JARID2: variants seen among roughly 807,000 people sequenced by gnomAD.
JARID2 encodes jumonji and AT-rich interaction domain containing 2.
JARID2 carries 21 observed loss-of-function variants against 125.6 expected under a neutral mutation model. The observed-to-expected ratio is 0.17, with a 90% CI of 0.12 to 0.24. The LOEUF (loss-of-function observed/expected upper bound fraction) is 0.24, where lower values mean the gene tolerates loss of function less well. Ranked by LOEUF, JARID2 falls within the 10% of genes least tolerant of loss-of-function variation. JARID2 has a pLI of 1.00. For missense variants in JARID2, 1,303 were observed against 1,639.6 expected (o/e 0.79, Z 3.55); for synonymous variants, 736 against 661.6 (o/e 1.11, Z -1.73).
chr6:15,449,731 T>A (rs888878574), intron 3 of JARID2, among the ~76,000 whole-genome samples: 4 of 152,186 alleles, frequency 2.6e-5, no homozygotes, highest in Admixed American at 2.6e-4. Context: ...AGATTTTTTT[T>A]AAGGACTATA....
At position 15,417,842 on chromosome 6, in the gene JARID2, C is replaced by T. The variant is rs1766304376; in HGVS notation, c.323+7477C>T. ...GTAGCCATTGTCAGTATATGTGACACATGAATTGCTACATGTGAGTATGCA... is the reference window on the plus strand; with the variant it reads ...GTAGCCATTGTCAGTATATGTGACATATGAATTGCTACATGTGAGTATGCA... On this transcript the variant is annotated intron_variant, in intron 3 of 17. Transcript: ENST00000341776. 2.6e-5 allele frequency among the ~76,000 whole-genome samples: 4 copies of T among 152,218 alleles called. No homozygotes were observed. In the South Asian group the frequency reaches 8.3e-4, roughly 32 times the overall value.
chr6:15,488,221 T>C (rs1026758061), intron 6 of JARID2, among the ~76,000 whole-genome samples: 3 of 152,188 alleles, frequency 2.0e-5, no homozygotes, highest in African/African-American at 7.2e-5. Context: ...GAAGAATCCC[T>C]CAGGGCTTGG....
At chr6:15,451,364 A>C (rs1329294130) in intron 3 of JARID2, among the ~76,000 whole-genome samples, 1 of 152,338 alleles carries the variant, frequency 6.6e-6, no homozygotes, top group Middle Eastern at 3.4e-3. Flanking sequence ...AAATAGTTGC[A>C]ATTTGACCTT....
chr6:15,292,889 G>A (rs1761279649), intron 1 of JARID2, among the ~76,000 whole-genome samples: 1 of 152,060 alleles, frequency 6.6e-6, no homozygotes, highest in Non-Finnish European at 1.5e-5. Context: ...ATCTGGTATT[G>A]AACTCTTGGC....
At chr6:15,477,393 C>T (rs1028629571) in intron 5 of JARID2, among the ~76,000 whole-genome samples, 9 of 151,864 alleles carry the variant, frequency 5.9e-5, no homozygotes, top group Admixed American at 3.9e-4. Flanking sequence ...TCCCCGCCCC[C>T]GAGAGAACAT....
intron 1 of JARID2, among the ~76,000 whole-genome samples, chr6:15,325,145 T>C (rs1762496665): frequency 6.6e-6 from 1 of 152,216 alleles, no homozygotes; most frequent in African/African-American, 2.4e-5. Flanking sequence ...ATGGTTTTTC[T>C]TCCCATTTTC....
chr6:15,319,723 G>C (rs1337712001), intron 1 of JARID2, among the ~76,000 whole-genome samples: 1 of 152,194 alleles, frequency 6.6e-6, no homozygotes, highest in Non-Finnish European at 1.5e-5. Context: ...AGTGAGATCT[G>C]TGTTTGAGGG....
At chr6:15,262,533 A>ATTTTTT (rs35864895) in intron 1 of JARID2, among the ~76,000 whole-genome samples, 2 of 116,468 alleles carry the variant, frequency 1.7e-5, no homozygotes, top group African/African-American at 3.3e-5. Flanking sequence ...TGGTTTGGCT[A>ATTTTTT]TTTTTTTTTT....
intron 5 of JARID2, among the ~76,000 whole-genome samples, chr6:15,480,075 A>G (rs116095751): frequency 5.9e-5 from 9 of 152,368 alleles, no homozygotes; most frequent in African/African-American, 1.9e-4. Flanking sequence ...TGAAGCGTAC[A>G]TTTAAATATC....
At chr6:15,419,380 GAAGTAAATATA>G (rs1290352960) in intron 3 of JARID2, among the ~76,000 whole-genome samples, 1 of 152,164 alleles carries the variant, frequency 6.6e-6, no homozygotes, top group Non-Finnish European at 1.5e-5. Flanking sequence ...AAAAGATGTG[GAAGTAAATATA>G]AAGTAAATAT....
chr6:15,319,785 A>G (rs1581407775), intron 1 of JARID2, among the ~76,000 whole-genome samples: 1 of 152,214 alleles, frequency 6.6e-6, no homozygotes, highest in African/African-American at 2.4e-5. Context: ...TATATGATGA[A>G]AAACTACCTA....
intron 1 of JARID2, among the ~76,000 whole-genome samples, chr6:15,340,306 G>A (rs1436700263): frequency 6.6e-6 from 1 of 152,170 alleles, no homozygotes; most frequent in Admixed American, 6.5e-5. Flanking sequence ...GGAAGCTGAT[G>A]TCCAGTGAGG....
intron 1 of JARID2, among the ~76,000 whole-genome samples, chr6:15,260,901 C>T (rs1047464818): frequency 1.1e-4 from 17 of 152,142 alleles, no homozygotes; most frequent in Non-Finnish European, 2.4e-4. Context: ...CTGACATACC[C>T]CAGGATGAAA....
intron 1 of JARID2, chr6:15,249,027 T>G (rs1759325400): frequency 1.1e-6 from 1 of 896,198 alleles, no homozygotes; most frequent in Non-Finnish European, 1.3e-6. Context: ...TGATGCCACT[T>G]GGGAAGCGGG....
chr6:15,520,362 A>AT lies in JARID2; in HGVS notation c.*115dup. ...TGTCTTTGCACTAGCTCTAAAGAAGATTTTCTTCTGGTTTTAGAGAACTAA... is the reference window on the plus strand; with the variant it reads ...TGTCTTTGCACTAGCTCTAAAGAAGATTTTTCTTCTGGTTTTAGAGAACTAA... On this transcript the variant is annotated 3_prime_UTR_variant, in exon 18 of 18. Transcript: ENST00000341776. 1 of 807,862 alleles carries AT rather than the reference A, an allele frequency of 1.2e-6. No individual in the cohort carries two copies. The highest frequency in any genetic ancestry group is 1.8e-6 in the Non-Finnish European group (1 of 551,196). 50.0% of individuals were successfully genotyped at this position (807,862 alleles called of 1,614,324 possible).
intron 1 of JARID2, among the ~76,000 whole-genome samples, chr6:15,343,812 G>A (rs999350378): frequency 1.3e-5 from 2 of 152,174 alleles, no homozygotes; most frequent in Admixed American, 6.5e-5. Flanking sequence ...CTGGTGGTGA[G>A]TTGTTAGATT....
chr6:15,307,267 G>A (rs1385249852), intron 1 of JARID2, among the ~76,000 whole-genome samples: 2 of 151,952 alleles, frequency 1.3e-5, no homozygotes, highest in Admixed American at 1.3e-4. Flanking sequence ...ATTTTTTCCT[G>A]TTGCCCAGAC....
intron 3 of JARID2, among the ~76,000 whole-genome samples, chr6:15,417,066 A>G (rs1766262121): frequency 6.6e-6 from 1 of 152,204 alleles, no homozygotes. Context: ...TAAATACGAG[A>G]TCTGAAGTGT....
intron 2 of JARID2, chr6:15,400,807 G>C (rs1396048951): frequency 3.2e-6 from 4 of 1,243,164 alleles, no homozygotes; most frequent in Non-Finnish European, 4.2e-6. Context: ...CTATTGCCGC[G>C]CGGAATCTGC....
Sources: gnomAD v4.1 joint callset for allele counts (sites outside exome capture counted in the v4.1 genomes callset) on GRCh38, gnomAD v4.1.1 for gene constraint, MANE v1.5 for transcripts, NCBI Gene and HGNC (gene_info 2026-07-23, HGNC 2026-07-21) for gene names.